STIM1: variants seen among roughly 807,000 people sequenced by gnomAD.
STIM1 encodes the protein stromal interaction molecule 1.
In STIM1, 25 loss-of-function variants were observed where a neutral mutation model predicts 74.7. The ratio of observed to expected loss-of-function variants is 0.33; its 90% CI spans 0.24 to 0.47. The LOEUF (loss-of-function observed/expected upper bound fraction) is 0.47, where lower values mean the gene tolerates loss of function less well. Ranked by LOEUF, STIM1 falls within the 20% of genes least tolerant of loss-of-function variation. The pLI is 1.00. For missense variants in STIM1, 728 were observed against 920.8 expected (o/e 0.79, Z 2.71); for synonymous variants, 328 against 348.8 (o/e 0.94, Z 0.66).
chr11:4,071,449 C>G (rs1402743438), intron 6 of STIM1, among the ~76,000 whole-genome samples: 3 of 152,032 alleles, frequency 2.0e-5, no homozygotes, highest in African/African-American at 7.2e-5. Flanking sequence ...CCCCTGGGCT[C>G]AAGAGATCCT....
intron 2 of STIM1, chr11:3,989,069 T>A: frequency 7.6e-7 from 1 of 1,311,008 alleles, no homozygotes; most frequent in Non-Finnish European, 1.0e-6. Flanking sequence ...ACTAAAAAAC[T>A]TGCATTTACA....
At chr11:3,872,801 G>A (rs1032480821) in intron 1 of STIM1, among the ~76,000 whole-genome samples, 2 of 152,028 alleles carry the variant, frequency 1.3e-5, no homozygotes, top group African/African-American at 2.4e-5. Flanking sequence ...GATTACAGGC[G>A]TGAGCCACCG....
chr11:4,082,808 T>G, intron 8 of STIM1, 74 bp from the exon 9 acceptor site: 2 of 1,256,628 alleles, frequency 1.6e-6, no homozygotes, highest in Non-Finnish European at 2.3e-6. Flanking sequence ...GCCCCAGCCA[T>G]AGGGGAAGGC....
At chr11:4,002,475 C>T (rs7395346) in intron 2 of STIM1, among the ~76,000 whole-genome samples, 151,586 of 151,602 alleles carry the variant, frequency 1, 75,785 homozygotes, top group Non-Finnish European at 1. Flanking sequence ...AACAACCTGC[C>T]CCTGAATGAC....
At chr11:3,955,016 A>G (rs1177303657) in intron 1 of STIM1, among the ~76,000 whole-genome samples, 1 of 152,274 alleles carries the variant, frequency 6.6e-6, no homozygotes, top group African/African-American at 2.4e-5. Flanking sequence ...GTGGTGGTAT[A>G]GCCATTCAAT....
At chr11:4,000,408 C>G (rs1460847965) in intron 2 of STIM1, among the ~76,000 whole-genome samples, 3 of 151,966 alleles carry the variant, frequency 2.0e-5, no homozygotes, top group African/African-American at 7.3e-5. Flanking sequence ...AACGATCAGA[C>G]AGCAGCATTC....
intron 1 of STIM1, among the ~76,000 whole-genome samples, chr11:3,941,032 G>A (rs2092998228): frequency 6.6e-6 from 1 of 152,160 alleles, no homozygotes; most frequent in South Asian, 2.1e-4. Flanking sequence ...GCTGAGAAAT[G>A]GAGATGTTGA....
At chr11:3,940,369 C>G (rs766020869) in intron 1 of STIM1, among the ~76,000 whole-genome samples, 3 of 152,102 alleles carry the variant, frequency 2.0e-5, no homozygotes, top group Non-Finnish European at 2.9e-5. Context: ...AAATTGTATA[C>G]ATGTAAATAT....
At chr11:3,976,366 A>T (rs1342713447) in intron 2 of STIM1, among the ~76,000 whole-genome samples, 4 of 152,214 alleles carry the variant, frequency 2.6e-5, no homozygotes, top group African/African-American at 7.2e-5. Flanking sequence ...GTCAGTGGTT[A>T]TCAGGGGTTA....
chr11:4,052,926 G>T (rs1367339370), intron 3 of STIM1, among the ~76,000 whole-genome samples: 1 of 152,194 alleles, frequency 6.6e-6, no homozygotes, highest in African/African-American at 2.4e-5. Flanking sequence ...CGAAGGATAT[G>T]AACAGACACT....
intron 10 of STIM1, 36 bp downstream of exon 10, chr11:4,083,534 C>T: frequency 1.3e-6 from 2 of 1,575,500 alleles, no homozygotes; most frequent in Non-Finnish European, 1.7e-6. Context: ...AGGAAGGAGC[C>T]TTTGATGTAC....
intron 1 of STIM1, among the ~76,000 whole-genome samples, chr11:3,872,890 A>G (rs1053956673): frequency 2.0e-5 from 3 of 150,704 alleles, no homozygotes; most frequent in African/African-American, 7.3e-5. Context: ...TCTCAAAGTC[A>G]CTTCCATTTC....
chr11:4,028,652 C>T lies in STIM1; in HGVS notation c.385+4665C>T, dbSNP rs372193897. Among the ~76,000 whole-genome samples the T allele has an allele frequency of 1.2e-3, 188 of 151,138 alleles. 1 individual carries two copies. Among genetic ancestry groups the T allele is most frequent in the African/African-American group, 4.2e-3 (173 of 41,154 alleles). On this transcript the variant is annotated intron_variant, in intron 3 of 12. Transcript: ENST00000526596. ...CTCGAACTCCTGACTATAGGTGATC[C>T]GCCTGCCTCGGCCTTCCAAAGTTCT...
intron 2 of STIM1, among the ~76,000 whole-genome samples, chr11:3,998,367 C>G (rs375231790): frequency 1.7e-4 from 26 of 152,282 alleles, no homozygotes; most frequent in African/African-American, 5.1e-4. Context: ...GGCTAAATAT[C>G]TTTCTTTTAG....
intron 1 of STIM1, among the ~76,000 whole-genome samples, chr11:3,896,859 T>C (rs1397350398): frequency 6.6e-6 from 1 of 152,232 alleles, no homozygotes; most frequent in African/African-American, 2.4e-5. Flanking sequence ...CTGAGCCTGC[T>C]TCCTCATCTA....
At chr11:3,904,174 G>T (rs1398090023) in intron 1 of STIM1, among the ~76,000 whole-genome samples, 1 of 132,348 alleles carries the variant, frequency 7.6e-6, no homozygotes, top group Non-Finnish European at 1.6e-5. Flanking sequence ...TCCAGCCTGG[G>T]TGACAGAGTG....
At chr11:3,949,140 G>A (rs1267554710) in intron 1 of STIM1, among the ~76,000 whole-genome samples, 1 of 152,190 alleles carries the variant, frequency 6.6e-6, no homozygotes, top group Non-Finnish European at 1.5e-5. Flanking sequence ...GACTATAAGA[G>A]CACAGAAGAG....
At chr11:3,870,344 T>C (rs1488507784) in intron 1 of STIM1, among the ~76,000 whole-genome samples, 1 of 152,192 alleles carries the variant, frequency 6.6e-6, no homozygotes, top group Non-Finnish European at 1.5e-5. Context: ...TTCCAGATCT[T>C]GCCAGTTTTC....
At chr11:3,873,007 G>T in intron 1 of STIM1, among the ~76,000 whole-genome samples, 1 of 150,766 alleles carries the variant, frequency 6.6e-6, no homozygotes, top group African/African-American at 2.4e-5. Context: ...GGAGTGCAGT[G>T]GCATGATCAT....
Sources: gnomAD v4.1 joint callset for allele counts (sites outside exome capture counted in the v4.1 genomes callset) on GRCh38, gnomAD v4.1.1 for gene constraint, MANE v1.5 for transcripts, NCBI Gene and HGNC (gene_info 2026-07-23, HGNC 2026-07-21) for gene names.